The following TPPP2 variants were observed in gnomAD, a reference collection of about 807,000 sequenced individuals.
The protein encoded by TPPP2 is tubulin polymerization promoting protein family member 2, also known as tubulin polymerization-promoting protein family member 2.
A neutral mutation model predicts 13.0 loss-of-function variants in TPPP2; 8 were observed. That is an observed-to-expected ratio of 0.62 (90% CI 0.36 to 1.11). The LOEUF (loss-of-function observed/expected upper bound fraction) is 1.11, where lower values mean the gene tolerates loss of function less well. Among genes scored for constraint, TPPP2 ranks in the 50% most tolerant of loss-of-function variants. TPPP2 has a pLI of 0.02. For synonymous variants in TPPP2, 81 were observed against 81.8 expected (o/e 0.99, Z 0.05); for missense variants, 213 against 216.9 (o/e 0.98, Z 0.11).
chr14:21,030,416 G>A (rs79199571), intron 1 of TPPP2, 97 bp from the exon 2 acceptor site: 8,720 of 685,938 alleles, frequency 0.013, 76 homozygotes, highest in Middle Eastern at 0.026. Context: ...GGTGCAATGG[G>A]AGCTGGGAGG....
upstream of TPPP2, among the ~76,000 whole-genome samples, chr14:21,028,097 AT>A (rs1276002212): frequency 6.6e-6 from 1 of 152,152 alleles, no homozygotes; most frequent in East Asian, 1.9e-4. Flanking sequence ...CATATCTAGG[AT>A]TCATTTCCCC....
chr14:21,030,355 A>G (rs1883983947), intron 1 of TPPP2, 51 bp downstream of exon 1: 2 of 550,848 alleles, frequency 3.6e-6, no homozygotes, highest in Middle Eastern at 4.8e-4. Flanking sequence ...GGTAGGATCC[A>G]CACTGGTATC....
upstream of TPPP2, chr14:21,025,765 T>TTTTG: frequency 7.2e-6 from 1 of 139,056 alleles, no homozygotes; most frequent in Non-Finnish European, 9.7e-6. The surrounding 1 kb of genome is among the most constrained non-coding windows in gnomAD (Gnocchi z 5.1). Context: ...GGGCGGGGAA[T>TTTTG]GCGGGGGGCC....
upstream of TPPP2, chr14:21,025,760 G>A (rs1343188259): frequency 2.1e-6 from 2 of 931,718 alleles, no homozygotes; most frequent in Non-Finnish European, 2.6e-6. The surrounding 1 kb of genome is among the most constrained non-coding windows in gnomAD (Gnocchi z 5.1). Context: ...GGTGGGGGCG[G>A]GGAATGCGGG....
chr14:21,031,144 C>T lies in TPPP2; in HGVS notation c.306C>T (p.Asp102=), dbSNP rs528214749. 2.5e-6 allele frequency: 4 copies of T among 1,613,828 alleles called. No homozygotes were observed. The highest frequency in any genetic ancestry group is 8.5e-7 in the Non-Finnish European group (1 of 1,179,964). ...TTTATGGACTCATGGAGGGCAAAGACCCAGCCACCACTGGCGCTACTGTGA... is the reference window on the plus strand; with the variant it reads ...TTTATGGACTCATGGAGGGCAAAGATCCAGCCACCACTGGCGCTACTGTGA... ...ENIYGLMEGK[D]PATTGATKAT... Residue 102 remains aspartate, a synonymous_variant, in exon 3 of 4, where the codon GAC becomes GAT. Transcript: ENST00000321760.
chr14:21,026,011 C>T (rs1259173508), upstream of TPPP2, among the ~76,000 whole-genome samples: 1 of 152,134 alleles, frequency 6.6e-6, no homozygotes, highest in Non-Finnish European at 1.5e-5. Flanking sequence ...TCGCCGCTAA[C>T]CCCTCCCAGT....
At chr14:21,033,642 ATAGC>A, downstream of TPPP2, 1 of 617,936 alleles carries the variant, frequency 1.6e-6, no homozygotes, top group Non-Finnish European at 2.9e-6. Context: ...AACCTAGAAG[ATAGC>A]ACCACTTTGC....
At position 21,031,162 on chromosome 14, in the gene TPPP2, T is replaced by A. The variant is rs772071021; in HGVS notation, c.324T>A (p.Ala108=). 2 of 1,613,356 alleles carry A rather than the reference T, an allele frequency of 1.2e-6. No homozygotes were observed. The highest frequency in any genetic ancestry group is 8.5e-7 in the Non-Finnish European group (1 of 1,179,786). The change falls in exon 3 of 4, where the codon GCT becomes GCA. Residue 108 remains alanine, a synonymous_variant. Transcript: ENST00000321760. The stretch of plus-strand genomic sequence containing the variant: ...GCAAAGACCCAGCCACCACTGGCGC[T>A]ACTGTGAGTGACAGCCTTCATCCCC... ...MEGKDPATTG[A]TKATTVGAVD... is the part of the protein sequence containing the mutation.
At chr14:21,035,632 CCT>C (rs148188123), downstream of TPPP2, among the ~76,000 whole-genome samples, 3,033 of 152,192 alleles carry the variant, frequency 0.02, 108 homozygotes, top group African/African-American at 0.071. Context: ...GCTCCAACAC[CCT>C]CAGTATAGCT....
chr14:21,031,946 G>A lies in TPPP2; in HGVS notation c.382G>A (p.Gly128Ser), dbSNP rs748668328. The A allele has an allele frequency of 2.1e-5, 34 of 1,613,996 alleles. No homozygotes were observed. In the East Asian group the frequency reaches 4.9e-4, roughly 23 times the overall value. ...TTTGACAGACACCAGCAAGTACACC[G>A]GCACCCACAAGGAGCGCTTTGATGA... Reference protein sequence around the residue: ...DRLTDTSKYTGTHKERFDESG... With the variant: ...DRLTDTSKYTSTHKERFDESG... The change falls in exon 4 of 4, where the codon GGC (glycine) becomes AGC (serine). Residue 128 changes from glycine (G) to serine (S), a missense_variant. By Grantham distance (56) the Gly-to-Ser change is moderately conservative. Transcript: ENST00000321760.
At chr14:21,033,504 T>C, downstream of TPPP2, 1 of 399,084 alleles carries the variant, frequency 2.5e-6, no homozygotes, top group East Asian at 5.2e-5. Flanking sequence ...GGACTTAGGA[T>C]CTGGCCCAGT....
downstream of TPPP2, chr14:21,034,235 A>C (rs1280857344): frequency 6.2e-7 from 1 of 1,614,010 alleles, no homozygotes; most frequent in Admixed American, 1.7e-5. Context: ...CCATGACCAG[A>C]GTTGGCCCCA....
downstream of TPPP2, chr14:21,033,813 A>G (rs763519949): frequency 1.7e-5 from 27 of 1,573,168 alleles, no homozygotes; most frequent in African/African-American, 3.4e-4. Context: ...GGAGTGGCTC[A>G]GGAATTAAAT....
chr14:21,027,441 C>G (rs1418781516), upstream of TPPP2, among the ~76,000 whole-genome samples: 1 of 152,190 alleles, frequency 6.6e-6, no homozygotes, highest in Non-Finnish European at 1.5e-5. Context: ...TGACATTTGT[C>G]AAGAGAAGGT....
At chr14:21,030,135 T>G (rs75695259), upstream of TPPP2, 6,161 of 155,152 alleles carry the variant, frequency 0.04, 422 homozygotes, top group African/African-American at 0.14. Context: ...TTGAAGGCAA[T>G]GGCTGTAGCT....
rs747518021 is a variant in TPPP2 at position 21,031,114 on chromosome 14, GA to G, written c.278del (p.Asn93ThrfsTer28). 5 of 1,614,178 alleles carry G rather than the reference GA, an allele frequency of 3.1e-6. No individual in the cohort carries two copies. The highest frequency in any genetic ancestry group is 4.2e-6 in the Non-Finnish European group (5 of 1,180,020). On this transcript the variant is annotated frameshift_variant, in exon 3 of 4. Coordinates refer to ENST00000321760, the MANE Select transcript of TPPP2 (RefSeq NM_173846.5). LOFTEE classifies it high-confidence loss of function. The stretch of plus-strand genomic sequence containing the variant: ...GGAAGAGTCCAGATGAAGTCCTGGA[GA>G]ACATTTATGGACTCATGGAGGGCAA... ...KGKSPDEVLE[N>X]IYGLMEGKDP...
At chr14:21,031,761 A>G (rs1185062811) in intron 3 of TPPP2, 131 bp from the exon 4 acceptor site, 2 of 1,019,652 alleles carry the variant, frequency 2.0e-6, no homozygotes, top group Admixed American at 5.3e-5. Context: ...GGCCCTAAGA[A>G]AGCAGCACCC....
At chr14:21,033,160 G>T (rs760999881), downstream of TPPP2, 2 of 373,686 alleles carry the variant, frequency 5.4e-6, no homozygotes, top group African/African-American at 2.1e-5. Flanking sequence ...GGAAGGCAGG[G>T]TGACTACGGT....
chr14:21,033,469 A>G (rs1884387718), downstream of TPPP2: 7 of 337,722 alleles, frequency 2.1e-5, no homozygotes, highest in South Asian at 2.2e-4. Flanking sequence ...CCATGGTGTG[A>G]GCTGAGGCCC....
Sources: gnomAD v4.1 joint callset for allele counts (sites outside exome capture counted in the v4.1 genomes callset) on GRCh38, gnomAD v4.1.1 for gene constraint, Gnocchi (gnomAD v3.1) non-coding constraint, MANE v1.5 for transcripts, NCBI Gene and HGNC (gene_info 2026-07-23, HGNC 2026-07-21) for gene names.